HKDC1: variants seen among roughly 807,000 people sequenced by gnomAD.
The protein encoded by HKDC1 is hexokinase HKDC1.
A neutral mutation model predicts 96.6 loss-of-function variants in HKDC1; 66 were observed. The observed-to-expected ratio is 0.68, with a 90% confidence interval of 0.56 to 0.84. The LOEUF (loss-of-function observed/expected upper bound fraction) is 0.84, where lower values mean the gene tolerates loss of function less well. HKDC1 is among the 40% of genes least tolerant of loss of function. The pLI is 0.00. For synonymous variants in HKDC1, 466 were observed against 473.1 expected, an observed-to-expected ratio of 0.98 and a Z score of 0.20; for missense variants, 1,211 against 1,208.1, an observed-to-expected ratio of 1.00 and a Z score of -0.04.
At chr10:69,253,969 G>A (rs893650743) in intron 12 of HKDC1, among the ~76,000 whole-genome samples, 1 of 152,160 alleles carries the variant, frequency 6.6e-6, no homozygotes, top group Non-Finnish European at 1.5e-5. Flanking sequence ...GTCAACCAGA[G>A]AGCTCAGGAC....
At chr10:69,244,383 G>A (rs1194081488) in intron 7 of HKDC1, among the ~76,000 whole-genome samples, 3 of 152,186 alleles carry the variant, frequency 2.0e-5, no homozygotes, top group South Asian at 2.1e-4. Context: ...CTGTGCACCC[G>A]GGAAGCACAT....
intron 2 of HKDC1, among the ~76,000 whole-genome samples, chr10:69,230,597 G>T (rs892942741): frequency 6.6e-6 from 1 of 152,118 alleles, no homozygotes; most frequent in Non-Finnish European, 1.5e-5. Flanking sequence ...AATTTACCCC[G>T]CTTAGGACAC....
chr10:69,250,700 C>T (rs1165947256), intron 12 of HKDC1, 48 bp downstream of exon 12: 9 of 1,605,118 alleles, frequency 5.6e-6, no homozygotes, highest in East Asian at 2.2e-5. Flanking sequence ...GGCTTCCTTC[C>T]TCTTCTGGGA....
chr10:69,223,347 T>C (rs1843097197), intron 1 of HKDC1: 1 of 152,208 alleles, frequency 6.6e-6, no homozygotes, highest in African/African-American at 2.4e-5. Flanking sequence ...CTTCATCCTG[T>C]ATGTTTTTAG....
At chr10:69,243,997 C>A (rs11814154) in intron 7 of HKDC1, among the ~76,000 whole-genome samples, 500 of 152,200 alleles carry the variant, frequency 3.3e-3, no homozygotes, top group African/African-American at 0.011. Context: ...CCGCAGAACA[C>A]ACCTGGGCAG....
intron 1 of HKDC1, among the ~76,000 whole-genome samples, chr10:69,226,618 GC>G (rs1300625767): frequency 6.6e-6 from 1 of 151,756 alleles, no homozygotes; most frequent in Non-Finnish European, 1.5e-5. Flanking sequence ...TCTCATCACT[GC>G]ACTCCAGCCT....
rs529122720 is a variant in HKDC1 at position 69,250,358 on chromosome 10, A to G, written c.1639A>G (p.Ser547Gly). 8.1e-6 allele frequency: 13 copies of G among 1,614,122 alleles called. No individual in the cohort carries two copies. The South Asian group carries it at 1.4e-4, about 18-fold the overall frequency. The change falls in exon 11 of 18, where the codon AGT becomes GGT. Residue 547 changes from serine (S) to glycine (G), a missense_variant. Coordinates refer to ENST00000354624, the MANE Select transcript of HKDC1 (RefSeq NM_025130.4). The stretch of plus-strand genomic sequence containing the variant: ...CCGGGTCCTCCTGGTGAAGATCAGA[A>G]GTGGACGGAGGTCAGTGCGAATGTA... ...NFRVLLVKIR[S>G]GRRSVRMYNK... is the part of the protein sequence containing the mutation.
At chr10:69,224,579 G>A (rs368692610) in intron 1 of HKDC1, among the ~76,000 whole-genome samples, 12 of 152,260 alleles carry the variant, frequency 7.9e-5, no homozygotes, top group South Asian at 2.1e-4. Flanking sequence ...CACTGCGCCC[G>A]GCCTTGGTAG....
chr10:69,248,175 T>C (rs1457820849), intron 9 of HKDC1, among the ~76,000 whole-genome samples: 2 of 151,780 alleles, frequency 1.3e-5, no homozygotes, highest in Non-Finnish European at 2.9e-5. Flanking sequence ...AGCCAATACA[T>C]TATGCACAGA....
At chr10:69,242,694 G>C (rs1589409558) in intron 6 of HKDC1, among the ~76,000 whole-genome samples, 1 of 152,192 alleles carries the variant, frequency 6.6e-6, no homozygotes, top group Non-Finnish European at 1.5e-5. Flanking sequence ...TGCTTTCTTA[G>C]GTGGTAGCTA....
At position 69,241,506 on chromosome 10, in the gene HKDC1, C is replaced by T. The variant is rs924510191; in HGVS notation, c.691+755C>T. 5.3e-5 allele frequency among the ~76,000 whole-genome samples: 8 copies of T among 152,052 alleles called. No individual in the cohort carries two copies. The East Asian group carries it at 5.8e-4, about 11-fold the overall frequency. ...TTTTATTTTATTTTTTTATTTGAGA[C>T]GGAGTCTTGCTCTGTCGTCCAGGCT... On this transcript the variant is annotated intron_variant, in intron 6 of 17. Coordinates refer to ENST00000354624, the MANE Select transcript of HKDC1 (RefSeq NM_025130.4).
intron 12 of HKDC1, among the ~76,000 whole-genome samples, chr10:69,252,973 CGTGTGTGTGTGTGTGTGT>C (rs57083436): frequency 1.4e-5 from 2 of 140,180 alleles, no homozygotes; most frequent in Non-Finnish European, 3.1e-5. Flanking sequence ...CATCTCTAAA[CGTGTGTGTGTGTGTGTGT>C]GTGTGTGTGT....
chr10:69,261,090 T>C lies in HKDC1; in HGVS notation c.2217-49T>C, dbSNP rs114772942. On this transcript the variant is annotated intron_variant, in intron 15 of 17. Transcript: ENST00000354624. Reference sequence around the variant, plus strand: ...AGCCTGGCCTTCTCACATCATGTGGTCTTCTGCATTGCAGGTCTGCCCCAA... The same window carrying C: ...AGCCTGGCCTTCTCACATCATGTGGCCTTCTGCATTGCAGGTCTGCCCCAA... 3.7e-3 allele frequency: 5,764 copies of C among 1,562,404 alleles called. 150 individuals carry two copies. The African/African-American group carries it at 0.061, about 16-fold the overall frequency.
At chr10:69,237,277 TTGTGTGTGTGTGTGTGTGTGTGTGTG>T (rs71035080) in intron 4 of HKDC1, among the ~76,000 whole-genome samples, 1 of 145,598 alleles carries the variant, frequency 6.9e-6, no homozygotes, top group Non-Finnish European at 1.5e-5. Context: ...AGAAATTTCT[TTGTGTGTGTGTGTGTGTGTGTGTGTG>T]TGTGTGTGTG....
chr10:69,232,845 G>A lies in HKDC1; in HGVS notation c.308G>A (p.Arg103Gln), dbSNP rs777007060. The change falls in exon 3 of 18, where the codon CGA (arginine) becomes CAA (glutamine). Residue 103 changes from arginine (R) to glutamine (Q), a missense_variant. Physicochemically the swap from Arg to Gln is conservative, Grantham distance 43. Transcript: ENST00000354624. ...LKVQVAEEGK[R>Q]HVQMESQFYP... ...GTGCAAGTCGCTGAAGAGGGGAAGC[G>A]ACACGTGCAGATGGAGAGTCAGTTC... 9 of 1,613,968 alleles carry A rather than the reference G, an allele frequency of 5.6e-6. No individual in the cohort carries two copies. Among genetic ancestry groups the A allele is most frequent in the Middle Eastern group, 1.6e-4 (1 of 6,084 alleles).
chr10:69,243,794 G>T (rs1340538946), intron 7 of HKDC1, among the ~76,000 whole-genome samples: 1 of 152,166 alleles, frequency 6.6e-6, no homozygotes. Context: ...ACCATGCATG[G>T]CCCCATTACA....
At chr10:69,252,940 G>A (rs1843666225) in intron 12 of HKDC1, among the ~76,000 whole-genome samples, 1 of 151,594 alleles carries the variant, frequency 6.6e-6, no homozygotes, top group South Asian at 2.1e-4. Flanking sequence ...TTTGAGACCA[G>A]CCTGGACAAT....
intron 7 of HKDC1, among the ~76,000 whole-genome samples, chr10:69,244,479 T>G (rs995226673): frequency 1.3e-5 from 2 of 152,236 alleles, no homozygotes; most frequent in Non-Finnish European, 2.9e-5. Flanking sequence ...GTGTCCATTT[T>G]TTGAATTTTA....
chr10:69,251,228 G>T (rs1171839505), intron 12 of HKDC1, among the ~76,000 whole-genome samples: 3 of 150,528 alleles, frequency 2.0e-5, no homozygotes, highest in African/African-American at 7.3e-5. Context: ...CCAAGTAGCT[G>T]TGATTACAGG....
Sources: allele counts gnomAD v4.1 joint callset (sites outside exome capture counted in the v4.1 genomes callset), GRCh38; gene constraint gnomAD v4.1.1; transcripts MANE v1.5; gene names NCBI Gene and HGNC (gene_info 2026-07-23, HGNC 2026-07-21).